The following PRDM11 variants were observed in gnomAD, a reference collection of about 807,000 sequenced individuals.
PRDM11 encodes the protein PR domain-containing protein 11.
PRDM11 carries 20 observed loss-of-function variants against 97.8 expected under a neutral mutation model. That is an observed-to-expected ratio of 0.20 (90% CI 0.14 to 0.30). The LOEUF (loss-of-function observed/expected upper bound fraction) is 0.30. Among genes scored for constraint, PRDM11 ranks in the 10% least tolerant of loss-of-function variants. The probability of loss-of-function intolerance (pLI) is 1.00; values close to 1 mark genes in which losing one functional copy is unlikely to be tolerated. For synonymous variants in PRDM11, 599 were observed against 637.7 expected, an observed-to-expected ratio of 0.94 and a Z score of 0.91; for missense variants, 1,139 against 1,555.2, an observed-to-expected ratio of 0.73 and a Z score of 4.50.
At chr11:45,108,487 CA>C (rs1446649215) in intron 1 of PRDM11, among the ~76,000 whole-genome samples, 3 of 152,234 alleles carry the variant, frequency 2.0e-5, no homozygotes, top group African/African-American at 7.2e-5. Flanking sequence ...CTGGAAGCAG[CA>C]GCCAGGCACT....
Position 45,227,103 on chromosome 11 carries a change from G to A in PRDM11, c.2478G>A (p.Arg826=), listed in dbSNP as rs1300830408. The A allele has an allele frequency of 2.0e-6, 3 of 1,533,990 alleles. No homozygotes were observed. The highest frequency in any genetic ancestry group is 2.4e-5 in the East Asian group (1 of 40,916). Residue 826 remains arginine (R), a synonymous_variant, in exon 8 of 8, where the codon CGG becomes CGA. Coordinates refer to ENST00000683152, the MANE Select transcript of PRDM11 (RefSeq NM_001384648.1). This position sits in a 1 kb window ranked among gnomAD's most constrained non-coding sequence, Gnocchi z 8.0. ...TEFLGDIRAV[R]WIIGEQNVLN... ...TCCTGGGCGATATCCGGGCAGTGCG[G>A]TGGATCATCGGCGAGCAGAACGTCC...
intron 4 of PRDM11, among the ~76,000 whole-genome samples, chr11:45,185,312 C>G (rs1489239621): frequency 6.6e-6 from 1 of 152,206 alleles, no homozygotes; most frequent in East Asian, 1.9e-4. Context: ...ACCAGGATTA[C>G]TGTAAACATT....
intron 1 of PRDM11, among the ~76,000 whole-genome samples, chr11:45,122,988 T>A (rs1023559110): frequency 1.3e-5 from 2 of 152,020 alleles, no homozygotes; most frequent in South Asian, 2.1e-4. Context: ...ATTTCTCCAC[T>A]TCCTCTCCAG....
At chr11:45,128,260 T>C (rs1247851772) in intron 1 of PRDM11, among the ~76,000 whole-genome samples, 3 of 152,216 alleles carry the variant, frequency 2.0e-5, no homozygotes, top group Non-Finnish European at 4.4e-5. Flanking sequence ...CCCCTTTCTT[T>C]GACTAGGAAA....
At chr11:45,180,329 C>A (rs912133766) in intron 1 of PRDM11, among the ~76,000 whole-genome samples, 42 of 152,238 alleles carry the variant, frequency 2.8e-4, no homozygotes, top group African/African-American at 1.0e-3. Flanking sequence ...CGCGGCTGAG[C>A]GAGCGGGTGT....
At chr11:45,156,278 T>C (rs899983769) in intron 1 of PRDM11, among the ~76,000 whole-genome samples, 10 of 152,244 alleles carry the variant, frequency 6.6e-5, no homozygotes, top group Non-Finnish European at 1.0e-4. Flanking sequence ...AGAATGGGGA[T>C]GCCTAGCATA....
intron 4 of PRDM11, among the ~76,000 whole-genome samples, chr11:45,199,198 G>C (rs192286320): frequency 5.3e-5 from 8 of 152,278 alleles, no homozygotes; most frequent in Admixed American, 5.2e-4. Context: ...ATTTTAGACA[G>C]AACTTTGAGG....
rs370135044 is a variant in PRDM11, at chr11:45,124,459, G to A, written c.96+28558G>A. The stretch of plus-strand genomic sequence containing the variant: ...AATGCTTCCAGTTTTTGCCCATTCA[G>A]TATGATATTGGCTGTGGGTTTGTCA... On this transcript the variant is annotated intron_variant, in intron 1 of 6. Transcript: ENST00000530656. 4.6e-5 allele frequency among the ~76,000 whole-genome samples: 7 copies of A among 152,176 alleles called. No individual in the cohort carries two copies. The South Asian group carries it at 8.3e-4, about 18-fold the overall frequency.
At chr11:45,167,326 T>C (rs1448730893) in intron 1 of PRDM11, among the ~76,000 whole-genome samples, 1 of 151,704 alleles carries the variant, frequency 6.6e-6, no homozygotes, top group Admixed American at 6.6e-5. Flanking sequence ...ATACACACTA[T>C]CACAATCATG....
chr11:45,129,000 C>T (rs1852654379), intron 1 of PRDM11, among the ~76,000 whole-genome samples: 4 of 152,092 alleles, frequency 2.6e-5, no homozygotes, highest in African/African-American at 9.7e-5. Context: ...TCTAAGAATG[C>T]AGTTACTTTA....
chr11:45,234,207 C>T lies in PRDM11; in HGVS notation c.*6048C>T, dbSNP rs925247326. On this transcript the variant is annotated 3_prime_UTR_variant, in exon 8 of 8. Coordinates refer to ENST00000683152, the MANE Select transcript of PRDM11 (RefSeq NM_001384648.1). Reference sequence around the variant, plus strand: ...AGCCCATTTGCTCGCAGTTTCCTCTCTCTGTTTTTTTCCTCCTGGAGGTAG... The same window carrying T: ...AGCCCATTTGCTCGCAGTTTCCTCTTTCTGTTTTTTTCCTCCTGGAGGTAG... 2.6e-5 allele frequency: 4 copies of T among 152,320 alleles called. No individual in the cohort carries two copies. Among genetic ancestry groups the T allele is most frequent in the African/African-American group, 9.6e-5 (4 of 41,468 alleles). 9.4% of individuals were successfully genotyped at this position (152,320 alleles called of 1,614,324 possible).
At position 45,149,622 on chromosome 11, in the gene PRDM11, G is replaced by A. The variant is rs12289781; in HGVS notation, c.-7+2745G>A. ...TGAATTATAAATGACAGTGATTCACGTCACTTCTGGGCCACAGCATTTAAT... is the reference window on the plus strand; with the variant it reads ...TGAATTATAAATGACAGTGATTCACATCACTTCTGGGCCACAGCATTTAAT... On this transcript the variant is annotated intron_variant, in intron 1 of 7. Transcript: ENST00000683152. 6.6e-4 allele frequency among the ~76,000 whole-genome samples: 101 copies of A among 152,280 alleles called. 1 individual carries two copies. The highest frequency in any genetic ancestry group is 2.3e-3 in the African/African-American group (96 of 41,560).
intron 4 of PRDM11, among the ~76,000 whole-genome samples, chr11:45,191,302 C>T (rs1180428852): frequency 6.6e-6 from 1 of 152,122 alleles, no homozygotes; most frequent in Non-Finnish European, 1.5e-5. Flanking sequence ...CACCTGGTGG[C>T]AGTTTGTCTT....
chr11:45,153,199 G>A (rs931644862), intron 1 of PRDM11, among the ~76,000 whole-genome samples: 15 of 152,204 alleles, frequency 9.9e-5, no homozygotes, highest in African/African-American at 3.1e-4. Context: ...GTAGCGAGGG[G>A]ACCCGCAGAT....
intron 5 of PRDM11, among the ~76,000 whole-genome samples, chr11:45,207,131 C>T (rs1853542970): frequency 6.6e-6 from 1 of 152,178 alleles, no homozygotes; most frequent in Non-Finnish European, 1.5e-5. Flanking sequence ...CAGTTTGTTG[C>T]CACGGAGACG....
intron 4 of PRDM11, among the ~76,000 whole-genome samples, chr11:45,187,505 T>C (rs1419875726): frequency 1.3e-5 from 2 of 152,198 alleles, no homozygotes; most frequent in Non-Finnish European, 2.9e-5. Flanking sequence ...AAAGGAGGAA[T>C]AGAAGGCCCT....
At chr11:45,120,452 C>A (rs1220285199) in intron 1 of PRDM11, among the ~76,000 whole-genome samples, 1 of 151,848 alleles carries the variant, frequency 6.6e-6, no homozygotes. Context: ...AAGACAAAGA[C>A]AAACAGTAAA....
intron 5 of PRDM11, among the ~76,000 whole-genome samples, chr11:45,208,563 G>T (rs1464733843): frequency 6.6e-6 from 1 of 152,162 alleles, no homozygotes; most frequent in Non-Finnish European, 1.5e-5. Flanking sequence ...TCTGGACAGG[G>T]AGAATAAGGT....
intron 4 of PRDM11, among the ~76,000 whole-genome samples, chr11:45,204,403 A>G (rs999769589): frequency 6.6e-5 from 10 of 152,232 alleles, no homozygotes; most frequent in African/African-American, 2.4e-4. Flanking sequence ...TGAGTATTCC[A>G]TCAAGACAGA....
Sources: gnomAD v4.1 joint callset for allele counts (sites outside exome capture counted in the v4.1 genomes callset) on GRCh38, gnomAD v4.1.1 for gene constraint, Gnocchi (gnomAD v3.1) non-coding constraint, MANE v1.5 for transcripts, NCBI Gene and HGNC (gene_info 2026-07-23, HGNC 2026-07-21) for gene names.